ARHGAP15: variants seen among roughly 807,000 people sequenced by gnomAD.
ARHGAP15 encodes Rho GTPase activating protein 15.
A neutral mutation model predicts 63.7 loss-of-function variants in ARHGAP15; 51 were observed. The ratio of observed to expected loss-of-function variants is 0.80; its 90% CI spans 0.64 to 1.01. ARHGAP15 has a LOEUF of 1.01. ARHGAP15 is among the 50% of genes least tolerant of loss of function. The probability of loss-of-function intolerance (pLI) is 0.00; values close to 1 mark genes in which losing one functional copy is unlikely to be tolerated. For missense variants in ARHGAP15, 560 were observed against 564.6 expected, an observed-to-expected ratio of 0.99 and a Z score of 0.08; for synonymous variants, 191 against 193.8, an observed-to-expected ratio of 0.99 and a Z score of 0.12.
intron 6 of ARHGAP15, among the ~76,000 whole-genome samples, chr2:143,397,240 C>G (rs1687801132): frequency 1.8e-5 from 2 of 110,874 alleles, no homozygotes; most frequent in Non-Finnish European, 3.8e-5. Flanking sequence ...GTGAAGATCA[C>G]TGATTTATGT....
chr2:143,362,225 G>T (rs1174063104), intron 6 of ARHGAP15, among the ~76,000 whole-genome samples: 1 of 152,150 alleles, frequency 6.6e-6, no homozygotes, highest in Admixed American at 6.5e-5. Flanking sequence ...GCGTAAAATT[G>T]TCTGTTTCCC....
chr2:143,296,802 T>C (rs906773555), intron 6 of ARHGAP15, among the ~76,000 whole-genome samples: 2 of 151,962 alleles, frequency 1.3e-5, no homozygotes, highest in Admixed American at 6.6e-5. Flanking sequence ...CCAATAGTTA[T>C]TCTTCCTGAT....
At chr2:143,569,633 G>A (rs1387945320) in intron 11 of ARHGAP15, among the ~76,000 whole-genome samples, 1 of 152,202 alleles carries the variant, frequency 6.6e-6, no homozygotes, top group South Asian at 2.1e-4. Context: ...AAGATTAGAA[G>A]CTTGGCTTTT....
intron 8 of ARHGAP15, among the ~76,000 whole-genome samples, chr2:143,454,211 T>C (rs1690541287): frequency 6.6e-6 from 1 of 152,040 alleles, no homozygotes; most frequent in African/African-American, 2.4e-5. Context: ...AACTGGTATT[T>C]ATGGGCTTGT....
chr2:143,446,758 C>A (rs1690159007), intron 8 of ARHGAP15, among the ~76,000 whole-genome samples: 1 of 150,860 alleles, frequency 6.6e-6, no homozygotes, highest in Non-Finnish European at 1.5e-5. Context: ...AGGTATATCT[C>A]CCAATGCTAT....
At chr2:143,170,754 T>C (rs956263186) in intron 2 of ARHGAP15, among the ~76,000 whole-genome samples, 7 of 152,152 alleles carry the variant, frequency 4.6e-5, no homozygotes, top group Non-Finnish European at 1.0e-4. Flanking sequence ...ATTCCTTTGA[T>C]TGATTCTGTA....
intron 6 of ARHGAP15, among the ~76,000 whole-genome samples, chr2:143,417,144 G>T (rs1688726484): frequency 6.6e-6 from 1 of 151,834 alleles, no homozygotes; most frequent in Non-Finnish European, 1.5e-5. Flanking sequence ...GATTCAACCT[G>T]GGTCTCGGGG....
At chr2:143,204,938 TA>T (rs201290373) in intron 3 of ARHGAP15, among the ~76,000 whole-genome samples, 35 of 148,288 alleles carry the variant, frequency 2.4e-4, no homozygotes, top group African/African-American at 5.4e-4. Context: ...TAATCTCTCT[TA>T]AAAAAAAAAT....
chr2:143,634,031 T>C (rs867639466), intron 12 of ARHGAP15, among the ~76,000 whole-genome samples: 2 of 152,126 alleles, frequency 1.3e-5, no homozygotes, highest in African/African-American at 4.8e-5. Flanking sequence ...CAAACTGATA[T>C]ATCTGGCTTG....
At chr2:143,284,106 C>A (rs892043181) in intron 6 of ARHGAP15, among the ~76,000 whole-genome samples, 4 of 152,254 alleles carry the variant, frequency 2.6e-5, no homozygotes, top group South Asian at 2.1e-4. Flanking sequence ...AGAATAGAAA[C>A]CTGTTTCCGA....
chr2:143,613,834 C>A (rs1402222781), intron 11 of ARHGAP15, among the ~76,000 whole-genome samples: 1 of 152,074 alleles, frequency 6.6e-6, no homozygotes. Flanking sequence ...TTGGACACAC[C>A]ACCCCTCTTC....
chr2:143,398,418 T>C (rs1687862358), intron 6 of ARHGAP15, among the ~76,000 whole-genome samples: 3 of 152,086 alleles, frequency 2.0e-5, no homozygotes, highest in Admixed American at 2.0e-4. Context: ...GCAGTGTTGT[T>C]GATTTCCTCC....
At chr2:143,538,374 C>T (rs1574600068) in intron 10 of ARHGAP15, among the ~76,000 whole-genome samples, 1 of 152,234 alleles carries the variant, frequency 6.6e-6, no homozygotes, top group Non-Finnish European at 1.5e-5. Context: ...CCTTTATTTC[C>T]TTCTCCTGCC....
At chr2:143,361,188 G>A (rs1160913095) in intron 6 of ARHGAP15, among the ~76,000 whole-genome samples, 2 of 152,154 alleles carry the variant, frequency 1.3e-5, no homozygotes, top group East Asian at 3.9e-4. Flanking sequence ...TTTTTTAAAT[G>A]TACTCAAGAT....
At chr2:143,202,556 G>A (rs1254628302) in intron 3 of ARHGAP15, among the ~76,000 whole-genome samples, 1 of 151,944 alleles carries the variant, frequency 6.6e-6, no homozygotes, top group Non-Finnish European at 1.5e-5. Context: ...CATCCAAGAT[G>A]AGAAGGCAAG....
At chr2:143,635,026 A>G (rs17825609) in intron 12 of ARHGAP15, among the ~76,000 whole-genome samples, 37,411 of 151,796 alleles carry the variant, frequency 0.25, 4,875 homozygotes, top group Middle Eastern at 0.32. Context: ...GTAGATCCCA[A>G]AATGTTATCA....
Position 143,136,452 on chromosome 2 carries a change from C to G in ARHGAP15, c.-15+6986C>G, listed in dbSNP as rs11902308. ...AACACACACACCAATTTACTCTCTG[C>G]TTTCAAGTTAGAATAACAAGAAGCA... On this transcript the variant is annotated intron_variant, in intron 1 of 13. Coordinates refer to ENST00000295095, the MANE Select transcript of ARHGAP15 (RefSeq NM_018460.4). Among the ~76,000 whole-genome samples the G allele has an allele frequency of 6.3e-3, 959 of 152,230 alleles. 9 individuals are homozygous for G. The highest frequency in any genetic ancestry group is 0.022 in the African/African-American group (904 of 41,528).
chr2:143,244,451 G>A (rs376323402), intron 5 of ARHGAP15, among the ~76,000 whole-genome samples: 37 of 152,208 alleles, frequency 2.4e-4, no homozygotes, highest in Non-Finnish European at 4.6e-4. Context: ...GCAAGATTAC[G>A]GCAGATGGTA....
chr2:143,403,492 T>TA (rs151230943), intron 6 of ARHGAP15, among the ~76,000 whole-genome samples: 165 of 151,952 alleles, frequency 1.1e-3, no homozygotes, highest in African/African-American at 3.7e-3. Flanking sequence ...AGGCACATAA[T>TA]AGTTACTATT....
Sources: allele counts gnomAD v4.1 joint callset (sites outside exome capture counted in the v4.1 genomes callset), GRCh38; gene constraint gnomAD v4.1.1; transcripts MANE v1.5; gene names NCBI Gene and HGNC (gene_info 2026-07-23, HGNC 2026-07-21).